MYOM2: variants seen among roughly 807,000 people sequenced by gnomAD.
MYOM2 encodes myomesin-2.
Under a neutral mutation model 187.6 loss-of-function variants are expected in MYOM2, and 254 were observed. The observed-to-expected ratio is 1.35, with a 90% CI of 1.22 to 1.50. The LOEUF is 1.50. MYOM2 is among the 40% of genes most tolerant of loss of function. The pLI, the probability that MYOM2 is intolerant of heterozygous loss-of-function variation, is 0.00. For synonymous variants in MYOM2, 981 were observed against 753.8 expected, an observed-to-expected ratio of 1.30 and a Z score of -4.94; for missense variants, 2,796 against 1,924.0, an observed-to-expected ratio of 1.45 and a Z score of -8.48.
Position 2,145,181 on chromosome 8 carries a change from G to C in MYOM2, c.*200G>C, listed in dbSNP as rs1798419764. 2 of 631,372 alleles carry C rather than the reference G, an allele frequency of 3.2e-6. No individual in the cohort carries two copies. Among genetic ancestry groups the C allele is most frequent in the Admixed American group, 6.2e-5 (2 of 32,154 alleles). The allele number at this position is 631,372 out of a possible 1,614,324, so 39.1% of individuals were successfully genotyped here. A position where few individuals can be genotyped will look rare whatever the true frequency, so the allele number is the denominator to read the frequency against. On this transcript the variant is annotated 3_prime_UTR_variant, in exon 37 of 37. Coordinates refer to ENST00000262113, the MANE Select transcript of MYOM2 (RefSeq NM_003970.4). ...GGGAGAAAGCTAATGTTTTCCACAA[G>C]ACTGAACAACGTGTATTTACACGAG...
chr8:2,107,284 C>T (rs1269946351), intron 23 of MYOM2, among the ~76,000 whole-genome samples: 1 of 152,090 alleles, frequency 6.6e-6, no homozygotes, highest in Non-Finnish European at 1.5e-5. Flanking sequence ...AGTGGTGCAG[C>T]GTGAACTCGT....
intron 6 of MYOM2, 126 bp downstream of exon 6, chr8:2,059,371 A>C: frequency 2.8e-6 from 2 of 720,146 alleles, no homozygotes; most frequent in South Asian, 3.6e-5. Flanking sequence ...GGGTGACTTT[A>C]AATAGCATTT....
chr8:2,106,176 C>T, intron 21 of MYOM2, 66 bp from the exon 22 acceptor site: 3 of 1,525,606 alleles, frequency 2.0e-6, no homozygotes, highest in Non-Finnish European at 2.7e-6. Context: ...ATATCACCCT[C>T]TCCCAAAAGA....
intron 12 of MYOM2, 112 bp from the exon 13 acceptor site, chr8:2,079,448 C>A (rs1468323396): frequency 9.9e-7 from 1 of 1,009,934 alleles, no homozygotes. Context: ...AGAGGACTCA[C>A]AGGTTGTAGT....
chr8:2,139,752 A>T (rs1798211326), intron 32 of MYOM2, among the ~76,000 whole-genome samples: 1 of 152,166 alleles, frequency 6.6e-6, no homozygotes, highest in Non-Finnish European at 1.5e-5. Context: ...TGACTTCCAC[A>T]GATCTCTCAG....
At chr8:2,091,016 C>CTTTTTTTTTTT (rs35873643) in intron 15 of MYOM2, among the ~76,000 whole-genome samples, 16 of 86,488 alleles carry the variant, frequency 1.8e-4, no homozygotes, top group South Asian at 5.0e-4. Flanking sequence ...AATGATAGTT[C>CTTTTTTTTTTT]TTTTTTTTTT....
chr8:2,117,862 T>C (rs1294183409), intron 27 of MYOM2, 23 bp from the exon 28 acceptor site: 2 of 1,591,800 alleles, frequency 1.3e-6, no homozygotes, highest in Non-Finnish European at 1.7e-6. Context: ...TTTATATGTT[T>C]TCTTCCCTTT....
intron 25 of MYOM2, among the ~76,000 whole-genome samples, chr8:2,114,078 A>T (rs1797156809): frequency 6.6e-6 from 1 of 152,210 alleles, no homozygotes; most frequent in Admixed American, 6.5e-5. Context: ...ACCCGGGGGC[A>T]TCAGGGAAGT....
chr8:2,046,365 T>C (rs1478980191), intron 1 of MYOM2, among the ~76,000 whole-genome samples: 2 of 152,128 alleles, frequency 1.3e-5, no homozygotes, highest in South Asian at 2.1e-4. Flanking sequence ...TTCCTAAACG[T>C]GTCAGGAGCA....
intron 31 of MYOM2, among the ~76,000 whole-genome samples, chr8:2,125,923 ATTT>A (rs966784149): frequency 2.6e-5 from 4 of 151,738 alleles, no homozygotes; most frequent in African/African-American, 9.7e-5. Context: ...GACAAGGATT[ATTT>A]TTCTATTTCT....
At chr8:2,060,163 T>G (rs1818805076) in intron 6 of MYOM2, among the ~76,000 whole-genome samples, 1 of 152,182 alleles carries the variant, frequency 6.6e-6, no homozygotes, top group South Asian at 2.1e-4. Context: ...TTTTCAGCAG[T>G]AGTATCTTGT....
intron 13 of MYOM2, among the ~76,000 whole-genome samples, chr8:2,084,739 A>T (rs1530192): frequency 0.14 from 20,859 of 152,224 alleles, 1,687 homozygotes; most frequent in African/African-American, 0.23. Flanking sequence ...GTGCCTGTGA[A>T]TATGGTACTG....
intron 18 of MYOM2, chr8:2,097,144 G>A (rs1012521627): frequency 3.1e-6 from 3 of 977,252 alleles, no homozygotes; most frequent in South Asian, 9.5e-5. Flanking sequence ...TTTTTGGAGA[G>A]TGTAAGGCCT....
At chr8:2,114,944 T>C (rs920085488) in intron 25 of MYOM2, among the ~76,000 whole-genome samples, 2 of 152,170 alleles carry the variant, frequency 1.3e-5, no homozygotes, top group African/African-American at 4.8e-5. Context: ...TGGTCTAATA[T>C]ATTAAGAACA....
chr8:2,073,089 G>A (rs942602306), intron 9 of MYOM2, among the ~76,000 whole-genome samples: 11 of 152,190 alleles, frequency 7.2e-5, no homozygotes, highest in Admixed American at 2.6e-4. Context: ...CAAAGCTGGC[G>A]GCCGCTCGCA....
intron 28 of MYOM2, among the ~76,000 whole-genome samples, chr8:2,121,744 C>A (rs1797466298): frequency 6.6e-6 from 1 of 152,170 alleles, no homozygotes; most frequent in Admixed American, 6.5e-5. Context: ...AAACCACAAT[C>A]ATAAACATAA....
At chr8:2,110,363 A>G (rs188663362) in intron 25 of MYOM2, among the ~76,000 whole-genome samples, 1 of 152,336 alleles carries the variant, frequency 6.6e-6, no homozygotes, top group Admixed American at 6.5e-5. Context: ...GTCACGGTCC[A>G]GACACCGCCT....
intron 13 of MYOM2, among the ~76,000 whole-genome samples, chr8:2,083,418 T>C (rs1819699765): frequency 6.6e-6 from 1 of 151,712 alleles, no homozygotes; most frequent in Admixed American, 6.6e-5. Flanking sequence ...ATCTCACGTG[T>C]GCTTAGCAGT....
chr8:2,061,071 C>T (rs184805170), intron 6 of MYOM2, among the ~76,000 whole-genome samples: 4 of 152,160 alleles, frequency 2.6e-5, no homozygotes, highest in Admixed American at 1.3e-4. Context: ...CATCTGCTAT[C>T]GAGGGAGGGG....
Sources: gnomAD v4.1 joint callset for allele counts (sites outside exome capture counted in the v4.1 genomes callset) on GRCh38, gnomAD v4.1.1 for gene constraint, MANE v1.5 for transcripts, NCBI Gene and HGNC (gene_info 2026-07-23, HGNC 2026-07-21) for gene names.